ENTPD5: variants seen among roughly 807,000 people sequenced by gnomAD.
The protein encoded by ENTPD5 is ectonucleoside triphosphate diphosphohydrolase 5 (inactive).
A neutral mutation model predicts 60.2 loss-of-function variants in ENTPD5; 49 were observed. The observed-to-expected ratio is 0.81, with a 90% CI of 0.65 to 1.03. ENTPD5 has a LOEUF of 1.03. Ranked by LOEUF, ENTPD5 falls within the 50% of genes least tolerant of loss-of-function variation. ENTPD5 has a pLI of 0.00. For missense variants in ENTPD5, 480 were observed against 507.6 expected (o/e 0.95, Z 0.52); for synonymous variants, 187 against 185.4 (o/e 1.01, Z -0.07).
chr14:73,958,387 T>G (rs760295158), downstream of ENTPD5: 1 of 1,567,220 alleles, frequency 6.4e-7, no homozygotes, highest in Non-Finnish European at 8.7e-7. Flanking sequence ...AGGCAAAACT[T>G]TTGGTTATGA....
chr14:74,017,354 G>A (rs1012330654), intron 1 of ENTPD5, among the ~76,000 whole-genome samples: 1 of 149,746 alleles, frequency 6.7e-6, no homozygotes, highest in East Asian at 2.0e-4. Context: ...GATCATGCTG[G>A]CAGATGGTAT....
chr14:73,961,337 T>C, downstream of ENTPD5: 2 of 1,614,206 alleles, frequency 1.2e-6, no homozygotes, highest in South Asian at 1.1e-5. Flanking sequence ...GGTTGGGACA[T>C]GCTGCTGAGT....
At chr14:74,002,027 T>G (rs2058527824) in intron 3 of ENTPD5, among the ~76,000 whole-genome samples, 1 of 152,110 alleles carries the variant, frequency 6.6e-6, no homozygotes. Context: ...TAGTAACCAA[T>G]ATTTACGGAG....
At chr14:74,001,714 G>T (rs1164561841) in intron 3 of ENTPD5, among the ~76,000 whole-genome samples, 1 of 141,092 alleles carries the variant, frequency 7.1e-6, no homozygotes, top group African/African-American at 2.6e-5. Flanking sequence ...CAGGCATGGT[G>T]GTACACACCT....
rs537972111 is a variant in ENTPD5 at position 74,006,370 on chromosome 14, G to A, written c.-71+4721C>T. On this transcript the variant is annotated intron_variant, in intron 3 of 15. Transcript: ENST00000334696. ...ACAATCTCGGCTCACTGCAAGCTCC[G>A]CTTCCCGGGTTCACACCATTCTCCT... Among the ~76,000 whole-genome samples, 50 of 146,754 alleles carry A rather than the reference G, an allele frequency of 3.4e-4. 1 individual carries two copies. The South Asian group carries it at 3.6e-3, about 11-fold the overall frequency.
chr14:73,981,136 A>C (rs1217627844), intron 6 of ENTPD5, among the ~76,000 whole-genome samples: 1 of 151,726 alleles, frequency 6.6e-6, no homozygotes, highest in African/African-American at 2.4e-5. Context: ...ATAAGAATAA[A>C]AATAAAAATA....
At chr14:73,968,425 CTTTTT>C (rs34108477) in intron 15 of ENTPD5, among the ~76,000 whole-genome samples, 1 of 133,762 alleles carries the variant, frequency 7.5e-6, no homozygotes. Flanking sequence ...TACTGATACT[CTTTTT>C]TTTTTTTTTT....
chr14:73,959,796 C>G, downstream of ENTPD5: 1 of 1,260,010 alleles, frequency 7.9e-7, no homozygotes. Context: ...TCTCAAACTC[C>G]TGACCTCAAG....
intron 6 of ENTPD5, 26 bp downstream of exon 6, chr14:73,982,992 A>T: frequency 6.2e-7 from 1 of 1,608,290 alleles, no homozygotes; most frequent in Non-Finnish European, 8.5e-7. Flanking sequence ...GGGCAGAATG[A>T]TCCAAGATGC....
intron 1 of ENTPD5, chr14:74,018,814 G>A (rs1483360418): frequency 2.6e-5 from 4 of 152,266 alleles, no homozygotes; most frequent in Non-Finnish European, 5.9e-5. Flanking sequence ...CCTCGGGAAA[G>A]TCCTCGACTG....
intron 3 of ENTPD5, among the ~76,000 whole-genome samples, chr14:74,000,734 T>C (rs1175086243): frequency 1.3e-5 from 2 of 150,368 alleles, no homozygotes; most frequent in South Asian, 2.1e-4. Flanking sequence ...GCCGAGATCA[T>C]GCCACTGCAC....
At chr14:73,994,693 A>G (rs2058273932) in intron 3 of ENTPD5, among the ~76,000 whole-genome samples, 1 of 150,866 alleles carries the variant, frequency 6.6e-6, no homozygotes, top group Non-Finnish European at 1.5e-5. Flanking sequence ...AGATTGCACC[A>G]GCACTCCAGC....
At chr14:73,978,346 C>A (rs1344151116) in intron 6 of ENTPD5, among the ~76,000 whole-genome samples, 1 of 151,624 alleles carries the variant, frequency 6.6e-6, no homozygotes, top group Non-Finnish European at 1.5e-5. Flanking sequence ...GCTCATACCT[C>A]TCATCCCAGC....
At chr14:73,970,358 GGT>G (rs1256002548) in intron 14 of ENTPD5, among the ~76,000 whole-genome samples, 1 of 152,076 alleles carries the variant, frequency 6.6e-6, no homozygotes, top group Non-Finnish European at 1.5e-5. Context: ...AGGGCGTGGT[GGT>G]GTACCGCTGT....
chr14:73,964,153 G>A lies in ENTPD5; in HGVS notation c.*2775C>T, dbSNP rs1035873281. 2.6e-5 allele frequency: 4 copies of A among 152,174 alleles called. No individual in the cohort carries two copies. Among genetic ancestry groups the A allele is most frequent in the Non-Finnish European group, 5.9e-5 (4 of 68,030 alleles). 9.4% of individuals were successfully genotyped at this position (152,174 alleles called of 1,614,324 possible). A position where few individuals can be genotyped will look rare whatever the true frequency, so the allele number is the denominator to read the frequency against. ...TCCAGAAGTTATGCAAACAAAATCA[G>A]GCAAGATGAAGAATTTTAAGGCACA... On this transcript the variant is annotated 3_prime_UTR_variant, in exon 16 of 16. Coordinates refer to ENST00000334696, the MANE Select transcript of ENTPD5 (RefSeq NM_001249.5).
intron 8 of ENTPD5, 77 bp downstream of exon 8, chr14:73,976,947 A>G: frequency 7.9e-7 from 1 of 1,261,908 alleles, no homozygotes; most frequent in South Asian, 1.3e-5. Context: ...TACAGAATGA[A>G]AGAAAAGGCT....
intron 3 of ENTPD5, among the ~76,000 whole-genome samples, chr14:74,000,909 C>T (rs1365973786): frequency 1.2e-4 from 18 of 151,998 alleles, no homozygotes; most frequent in Admixed American, 1.2e-3. Flanking sequence ...GGAAAAGTAT[C>T]GTTTGATTTC....
At chr14:73,961,987 G>A (rs563341486), downstream of ENTPD5, 21 of 1,510,680 alleles carry the variant, frequency 1.4e-5, no homozygotes, top group South Asian at 3.4e-5. Context: ...TGGTCTTATC[G>A]CCCAGGATGG....
At chr14:74,013,816 T>C (rs149483205) in intron 2 of ENTPD5, among the ~76,000 whole-genome samples, 171 of 152,354 alleles carry the variant, frequency 1.1e-3, no homozygotes, top group African/African-American at 3.8e-3. Flanking sequence ...TGTTATACAG[T>C]TGGTATTCAT....
Sources: gnomAD v4.1 joint callset for allele counts (sites outside exome capture counted in the v4.1 genomes callset) on GRCh38, gnomAD v4.1.1 for gene constraint, MANE v1.5 for transcripts, NCBI Gene and HGNC (gene_info 2026-07-23, HGNC 2026-07-21) for gene names.